INTS4: variants seen among roughly 807,000 people sequenced by gnomAD.
INTS4 encodes the protein MSTP093.
Under a neutral mutation model 119.5 loss-of-function variants are expected in INTS4, and 70 were observed. The observed-to-expected ratio is 0.59, with a 90% CI of 0.48 to 0.71. The LOEUF (loss-of-function observed/expected upper bound fraction) is 0.71, where lower values mean the gene tolerates loss of function less well. INTS4 is among the 30% of genes least tolerant of loss of function. INTS4 has a pLI of 0.00. For missense variants in INTS4, 867 were observed against 1,173.2 expected, an observed-to-expected ratio of 0.74 and a Z score of 3.81; for synonymous variants, 316 against 419.6, an observed-to-expected ratio of 0.75 and a Z score of 3.02.
chr11:77,991,767 C>T (rs189474608), intron 1 of INTS4, among the ~76,000 whole-genome samples: 1 of 151,956 alleles, frequency 6.6e-6, no homozygotes, highest in African/African-American at 2.4e-5. Context: ...GGATCTACTC[C>T]ATTTTTTTGA....
At chr11:77,877,353 CCT>C (rs1299288392), downstream of INTS4, among the ~76,000 whole-genome samples, 1 of 152,224 alleles carries the variant, frequency 6.6e-6, no homozygotes, top group Non-Finnish European at 1.5e-5. Context: ...TCCAGCTCCA[CCT>C]CTGAGTAATT....
intron 7 of INTS4, among the ~76,000 whole-genome samples, chr11:77,957,967 A>C (rs931924212): frequency 6.6e-5 from 10 of 152,020 alleles, no homozygotes; most frequent in African/African-American, 2.4e-4. Flanking sequence ...GTCCAGACTG[A>C]ACTTCTATAA....
At chr11:77,969,215 G>C (rs1211546934) in intron 4 of INTS4, among the ~76,000 whole-genome samples, 1 of 152,148 alleles carries the variant, frequency 6.6e-6, no homozygotes, top group East Asian at 1.9e-4. Flanking sequence ...GATTACAAGT[G>C]TGAGCCACCA....
At chr11:77,954,810 G>GTTGT (rs1954278954) in intron 8 of INTS4, among the ~76,000 whole-genome samples, 1 of 152,152 alleles carries the variant, frequency 6.6e-6, no homozygotes, top group Non-Finnish European at 1.5e-5. Flanking sequence ...TGTGTGGCCT[G>GTTGT]GTTCCTAACA....
downstream of INTS4, among the ~76,000 whole-genome samples, chr11:77,877,411 TGATCAA>T (rs921673227): frequency 6.6e-6 from 1 of 152,224 alleles, no homozygotes; most frequent in Non-Finnish European, 1.5e-5. Flanking sequence ...GTGTCAAATA[TGATCAA>T]GACTGGCTGC....
At chr11:77,875,313 C>T (rs543997194), downstream of INTS4, among the ~76,000 whole-genome samples, 48 of 152,234 alleles carry the variant, frequency 3.2e-4, no homozygotes, top group African/African-American at 1.1e-3. Context: ...AGAAATAAGG[C>T]GTGTAAACAT....
At chr11:77,908,494 A>G (rs1953016067) in intron 15 of INTS4, among the ~76,000 whole-genome samples, 1 of 151,962 alleles carries the variant, frequency 6.6e-6, no homozygotes, top group Non-Finnish European at 1.5e-5. Context: ...ACACCCAGCT[A>G]ATTTTTGTAT....
rs796907469 is a variant in INTS4 at position 77,947,673 on chromosome 11, T to C, written c.919-6422A>G. ...GCTAGTATGAAGGTTAAATTCAAAA[T>C]GGTCAAAAACTACAACAGCTACAAA... On this transcript the variant is annotated intron_variant, in intron 8 of 22. Transcript: ENST00000534064. Among the ~76,000 whole-genome samples the C allele has an allele frequency of 7.6e-4, 116 of 152,246 alleles. 2 individuals are homozygous for C. The highest frequency in any genetic ancestry group is 2.7e-3 in the African/African-American group (114 of 41,550).
intron 8 of INTS4, among the ~76,000 whole-genome samples, chr11:77,947,847 C>CT (rs906088202): frequency 1.3e-5 from 2 of 151,472 alleles, no homozygotes; most frequent in African/African-American, 4.9e-5. Context: ...AACTGCAAGA[C>CT]TTTTTTTTTC....
chr11:77,940,190 A>G (rs1178514057), intron 9 of INTS4, among the ~76,000 whole-genome samples: 1 of 152,138 alleles, frequency 6.6e-6, no homozygotes, highest in Non-Finnish European at 1.5e-5. Flanking sequence ...GCACTTTGGG[A>G]GGCAGAGGCA....
intron 18 of INTS4, among the ~76,000 whole-genome samples, chr11:77,897,645 C>T (rs1390397942): frequency 6.7e-6 from 1 of 149,872 alleles, no homozygotes; most frequent in African/African-American, 2.5e-5. Context: ...GGATTACAGG[C>T]ACCTGCCACC....
intron 21 of INTS4, among the ~76,000 whole-genome samples, chr11:77,887,677 C>T (rs899567946): frequency 2.3e-4 from 35 of 152,014 alleles, no homozygotes; most frequent in Non-Finnish European, 3.2e-4. Context: ...AAAACCCCAT[C>T]GTCTCAGCCC....
At chr11:77,980,676 T>C (rs1248917365) in intron 3 of INTS4, among the ~76,000 whole-genome samples, 2 of 152,314 alleles carry the variant, frequency 1.3e-5, no homozygotes, top group East Asian at 3.9e-4. Flanking sequence ...AACCTGTGCC[T>C]AGCCTGTTTT....
intron 15 of INTS4, among the ~76,000 whole-genome samples, chr11:77,908,750 G>A (rs1028998496): frequency 1.3e-5 from 2 of 152,300 alleles, no homozygotes; most frequent in Admixed American, 6.5e-5. Context: ...TGGTAATAGG[G>A]TGCTCTTTAG....
At chr11:77,994,004 T>G (rs183301530) in intron 1 of INTS4, among the ~76,000 whole-genome samples, 12 of 152,216 alleles carry the variant, frequency 7.9e-5, no homozygotes, top group Admixed American at 7.9e-4. Flanking sequence ...CACAACTTCA[T>G]GGTGAGGAAG....
intron 2 of INTS4, chr11:77,987,231 A>G (rs1035264820): frequency 6.4e-6 from 1 of 155,266 alleles, no homozygotes; most frequent in African/African-American, 2.4e-5. Flanking sequence ...TATATCTGAA[A>G]TGTTCCATAA....
chr11:77,914,212 G>A (rs1953154077), intron 15 of INTS4, among the ~76,000 whole-genome samples: 1 of 152,156 alleles, frequency 6.6e-6, no homozygotes, highest in Non-Finnish European at 1.5e-5. Flanking sequence ...CCCAAACTTA[G>A]GACAGTGATC....
chr11:77,923,817 T>G (rs557651603), intron 12 of INTS4, among the ~76,000 whole-genome samples: 7 of 150,498 alleles, frequency 4.7e-5, no homozygotes, highest in African/African-American at 1.7e-4. Flanking sequence ...CAGGCTGGCA[T>G]GCAGTGGCAC....
intron 11 of INTS4, among the ~76,000 whole-genome samples, chr11:77,925,264 C>A (rs1205028588): frequency 6.6e-6 from 1 of 152,188 alleles, no homozygotes; most frequent in African/African-American, 2.4e-5. Context: ...AGTTTGCCAT[C>A]TTATACAGGC....
Sources: gnomAD v4.1 joint callset for allele counts (sites outside exome capture counted in the v4.1 genomes callset) on GRCh38, gnomAD v4.1.1 for gene constraint, MANE v1.5 for transcripts, NCBI Gene and HGNC (gene_info 2026-07-23, HGNC 2026-07-21) for gene names.